Variants in TMCC1 observed in about 807,000 individuals in gnomAD.
TMCC1 encodes the protein transmembrane and coiled-coil domain family 1, also known as transmembrane and coiled-coil domains protein 1.
Under a neutral mutation model 52.4 loss-of-function variants are expected in TMCC1, and 15 were observed. The ratio of observed to expected loss-of-function variants is 0.29; its 90% CI spans 0.19 to 0.44. The LOEUF (loss-of-function observed/expected upper bound fraction) is 0.44. TMCC1 is among the 20% of genes least tolerant of loss of function. The probability of loss-of-function intolerance (pLI) is 1.00; values close to 1 mark genes in which losing one functional copy is unlikely to be tolerated. For missense variants in TMCC1, 503 were observed against 806.0 expected, an observed-to-expected ratio of 0.62 and a Z score of 4.55; for synonymous variants, 279 against 301.9, an observed-to-expected ratio of 0.92 and a Z score of 0.79.
chr3:129,752,660 T>TCACA (rs111582731), intron 4 of TMCC1, among the ~76,000 whole-genome samples: 627 of 148,368 alleles, frequency 4.2e-3, no homozygotes, highest in Middle Eastern at 0.017. Context: ...AGCAAGACTG[T>TCACA]CACACACACA....
chr3:129,800,806 A>G (rs187122541), intron 4 of TMCC1, among the ~76,000 whole-genome samples: 158 of 152,268 alleles, frequency 1.0e-3, no homozygotes, highest in African/African-American at 3.4e-3. Flanking sequence ...TGCCTACTAA[A>G]CATCAGACAT....
Position 129,670,611 on chromosome 3 carries a change from G to A in TMCC1, c.1230C>T (p.Asn410=), listed in dbSNP as rs776115645. Residue 410 remains asparagine, a synonymous_variant, in exon 5 of 7, where the codon AAC becomes AAT. Coordinates refer to ENST00000393238, the MANE Select transcript of TMCC1 (RefSeq NM_001017395.5). ...DAGKALGVIS[N]FQSSPKYGSE... ...TACCATATTTTGGGCTAGACTGAAA[G>A]TTTGAAATCACTCCCAAAGCCTTCC... 2.5e-6 allele frequency: 4 copies of A among 1,614,214 alleles called. No individual in the cohort carries two copies. The South Asian group carries it at 3.3e-5, about 13-fold the overall frequency.
At position 129,790,842 on chromosome 3, in the gene TMCC1, T is replaced by C. The variant is rs564696885; in HGVS notation, c.576+36961A>G. On this transcript the variant is annotated intron_variant, in intron 4 of 6. Coordinates refer to ENST00000393238, the MANE Select transcript of TMCC1 (RefSeq NM_001017395.5). ...TTATTCCATGTTTAATATGGCTTTA[T>C]TAAATCAATGATCTTATTCAAATCA... Among the ~76,000 whole-genome samples the C allele has an allele frequency of 8.5e-5, 13 of 152,346 alleles. No homozygotes were observed. The South Asian group carries it at 2.5e-3, about 29-fold the overall frequency.
chr3:129,890,077 A>G (rs1020463664), intron 1 of TMCC1, among the ~76,000 whole-genome samples: 1 of 152,230 alleles, frequency 6.6e-6, no homozygotes, highest in Admixed American at 6.5e-5. Context: ...ACTTGAGGCC[A>G]GGAGTTTGCC....
At chr3:129,661,374 C>G (rs138993134) in intron 5 of TMCC1, among the ~76,000 whole-genome samples, 4 of 151,654 alleles carry the variant, frequency 2.6e-5, no homozygotes, top group African/African-American at 9.7e-5. Flanking sequence ...TGCAGTGAGC[C>G]GAGACTGTGT....
intron 5 of TMCC1, among the ~76,000 whole-genome samples, chr3:129,656,882 C>T (rs1333336665): frequency 2.0e-5 from 3 of 152,126 alleles, no homozygotes; most frequent in Non-Finnish European, 2.9e-5. Context: ...AGGTCCCATC[C>T]CTAGAATTGA....
chr3:129,711,327 C>A (rs1395739866), intron 4 of TMCC1, among the ~76,000 whole-genome samples: 1 of 152,188 alleles, frequency 6.6e-6, no homozygotes, highest in African/African-American at 2.4e-5. Flanking sequence ...TGAACATCAT[C>A]ATTTAAAAGT....
At chr3:129,777,244 C>G (rs2055112663) in intron 4 of TMCC1, among the ~76,000 whole-genome samples, 1 of 152,054 alleles carries the variant, frequency 6.6e-6, no homozygotes, top group Non-Finnish European at 1.5e-5. Flanking sequence ...GATAGGCCGT[C>G]AATAAATTAC....
chr3:129,650,698 T>C lies in TMCC1; in HGVS notation c.*783A>G, dbSNP rs1372543876. On this transcript the variant is annotated 3_prime_UTR_variant, in exon 7 of 7. Coordinates refer to ENST00000393238, the MANE Select transcript of TMCC1 (RefSeq NM_001017395.5). ...AAGCACTGAGAGTTTGAGTATTACA[T>C]TCTTCAAGTATGCTGTTCGGATTTT... The C allele has an allele frequency of 6.6e-6, 1 of 152,608 alleles. No individual in the cohort carries two copies. The highest frequency in any genetic ancestry group is 1.5e-5 in the Non-Finnish European group (1 of 68,026). The allele number at this position is 152,608 out of a possible 1,614,324, so 9.5% of individuals were successfully genotyped here.
intron 5 of TMCC1, among the ~76,000 whole-genome samples, chr3:129,660,847 T>A (rs543439322): frequency 6.6e-6 from 1 of 152,200 alleles, no homozygotes; most frequent in Non-Finnish European, 1.5e-5. Context: ...GGCATAATCA[T>A]GGTGCACTGC....
At chr3:129,804,463 ATTG>A (rs1378271169) in intron 4 of TMCC1, among the ~76,000 whole-genome samples, 2 of 152,162 alleles carry the variant, frequency 1.3e-5, no homozygotes, top group Non-Finnish European at 2.9e-5. Context: ...CCCTTTGGCT[ATTG>A]TTGTTGCATA....
intron 4 of TMCC1, among the ~76,000 whole-genome samples, chr3:129,806,657 G>A (rs977133706): frequency 6.6e-6 from 1 of 152,130 alleles, no homozygotes; most frequent in Non-Finnish European, 1.5e-5. Context: ...AAAACACTTA[G>A]TGGAGAAGAA....
chr3:129,834,134 A>G (rs1057494579), intron 2 of TMCC1, among the ~76,000 whole-genome samples: 1 of 152,192 alleles, frequency 6.6e-6, no homozygotes, highest in Admixed American at 6.5e-5. Context: ...TTGTTTGGGA[A>G]AGCCTGATGA....
At chr3:129,707,284 C>CTTT (rs1370633882) in intron 4 of TMCC1, among the ~76,000 whole-genome samples, 28 of 152,110 alleles carry the variant, frequency 1.8e-4, no homozygotes, top group African/African-American at 5.1e-4. Flanking sequence ...CAAATACATG[C>CTTT]TTATATTAAA....
Position 129,724,618 on chromosome 3 carries a change from A to G in TMCC1, c.577-53354T>C, listed in dbSNP as rs372251730. 1.7e-4 allele frequency among the ~76,000 whole-genome samples: 26 copies of G among 152,316 alleles called. No individual in the cohort carries two copies. In the East Asian group the frequency reaches 2.1e-3, roughly 12 times the overall value. ...CCAAAAGGCAAACCTAATATACATC[A>G]TCATTTCTTTTTAGTTCAAGAATGT... On this transcript the variant is annotated intron_variant, in intron 4 of 6. Coordinates refer to ENST00000393238, the MANE Select transcript of TMCC1 (RefSeq NM_001017395.5).
At chr3:129,870,427 G>A (rs1415807614) in intron 2 of TMCC1, among the ~76,000 whole-genome samples, 1 of 151,816 alleles carries the variant, frequency 6.6e-6, no homozygotes, top group Non-Finnish European at 1.5e-5. Context: ...TTCTTCAATT[G>A]TTTTTCATTA....
At chr3:129,746,369 CG>C (rs2051971745) in intron 4 of TMCC1, among the ~76,000 whole-genome samples, 1 of 150,214 alleles carries the variant, frequency 6.7e-6, no homozygotes, top group South Asian at 2.1e-4. Context: ...TAAGTACAGA[CG>C]GGGTTTCACC....
intron 4 of TMCC1, among the ~76,000 whole-genome samples, chr3:129,750,260 G>C (rs2052373999): frequency 6.6e-6 from 1 of 152,016 alleles, no homozygotes; most frequent in Admixed American, 6.6e-5. Context: ...GCGTGATCTT[G>C]GTTCACTGCA....
intron 3 of TMCC1, among the ~76,000 whole-genome samples, chr3:129,830,318 T>C (rs963010344): frequency 1.3e-5 from 2 of 152,196 alleles, no homozygotes; most frequent in Non-Finnish European, 2.9e-5. Context: ...TTGCCAATAG[T>C]TTATATATTT....
Sources: gnomAD v4.1 joint callset for allele counts (sites outside exome capture counted in the v4.1 genomes callset) on GRCh38, gnomAD v4.1.1 for gene constraint, MANE v1.5 for transcripts, NCBI Gene and HGNC (gene_info 2026-07-23, HGNC 2026-07-21) for gene names.